The following MGMT variants were observed in gnomAD, a reference collection of about 807,000 sequenced individuals.
The protein encoded by MGMT is O-6-methylguanine-DNA methyltransferase, also known as methylated-DNA--protein-cysteine methyltransferase.
MGMT carries 14 observed loss-of-function variants against 15.9 expected under a neutral mutation model. That is an observed-to-expected ratio of 0.88 (90% CI 0.58 to 1.37). MGMT has a LOEUF of 1.37. Among genes scored for constraint, MGMT ranks in the 40% most tolerant of loss-of-function variants. The probability of loss-of-function intolerance (pLI) is 0.00; values close to 1 mark genes in which losing one functional copy is unlikely to be tolerated. For synonymous variants in MGMT, 130 were observed against 118.2 expected, an observed-to-expected ratio of 1.10 and a Z score of -0.65; for missense variants, 282 against 268.1, an observed-to-expected ratio of 1.05 and a Z score of -0.36.
intron 1 of MGMT, among the ~76,000 whole-genome samples, chr10:129,530,117 G>A (rs1262175621): frequency 6.6e-6 from 1 of 152,104 alleles, no homozygotes. Flanking sequence ...TGCCCAGACT[G>A]GTCTTGAACT....
intron 2 of MGMT, among the ~76,000 whole-genome samples, chr10:129,563,329 C>T (rs572265887): frequency 6.6e-6 from 1 of 152,082 alleles, no homozygotes; most frequent in Non-Finnish European, 1.5e-5. Context: ...TAGGATGACC[C>T]TGCCGGTCTG....
intron 1 of MGMT, among the ~76,000 whole-genome samples, chr10:129,492,982 G>A (rs1041227331): frequency 1.1e-4 from 16 of 152,090 alleles, no homozygotes; most frequent in African/African-American, 2.9e-4. Flanking sequence ...TGCTTATTTC[G>A]TATTCTACAC....
chr10:129,718,346 G>GA (rs1263889308), intron 3 of MGMT, among the ~76,000 whole-genome samples: 1 of 152,164 alleles, frequency 6.6e-6, no homozygotes, highest in Non-Finnish European at 1.5e-5. Context: ...AGCTCCGTCT[G>GA]ATCGTATAGT....
intron 2 of MGMT, among the ~76,000 whole-genome samples, chr10:129,633,997 T>A (rs2133084729): frequency 6.6e-6 from 1 of 152,374 alleles, no homozygotes. Context: ...TTCTTCTTCC[T>A]GACAGTTTCC....
chr10:129,553,498 G>A (rs750698518), intron 2 of MGMT, among the ~76,000 whole-genome samples: 5 of 152,114 alleles, frequency 3.3e-5, no homozygotes, highest in South Asian at 2.1e-4. Flanking sequence ...TGGGCCCGGG[G>A]GACACGTGGT....
At chr10:129,756,674 T>C (rs966228209) in intron 3 of MGMT, among the ~76,000 whole-genome samples, 2 of 152,162 alleles carry the variant, frequency 1.3e-5, no homozygotes, top group Non-Finnish European at 2.9e-5. Flanking sequence ...TTCACCATAT[T>C]GGCTAGGATG....
At chr10:129,530,791 C>T (rs1021652757) in intron 1 of MGMT, among the ~76,000 whole-genome samples, 6 of 152,266 alleles carry the variant, frequency 3.9e-5, no homozygotes, top group African/African-American at 1.2e-4. Context: ...CCAGGCACAC[C>T]AGGCCTCATC....
chr10:129,469,175 C>G (rs1370465766), intron 1 of MGMT, among the ~76,000 whole-genome samples: 1 of 152,144 alleles, frequency 6.6e-6, no homozygotes, highest in East Asian at 1.9e-4. Flanking sequence ...AAAGAACTTG[C>G]CTTCCCCATT....
At chr10:129,586,502 T>C (rs953237438) in intron 2 of MGMT, among the ~76,000 whole-genome samples, 1 of 152,244 alleles carries the variant, frequency 6.6e-6, no homozygotes, top group Non-Finnish European at 1.5e-5. Context: ...GTATAGTCTC[T>C]TCGTGTCTGA....
rs117167189 is a variant in MGMT, at chr10:129,759,394, C to T, written c.414+53C>T. 7.4e-6 allele frequency: 12 copies of T among 1,611,320 alleles called. No homozygotes were observed. The East Asian group carries it at 1.8e-4, about 24-fold the overall frequency. On this transcript the variant is annotated intron_variant, in intron 4 of 4. Transcript: ENST00000651593. ...GTGGGTGGCGGGTGCGTGCAGGTGG[C>T]AGGGTGTCATCTGATCCCACGTGTT...
At chr10:129,664,504 T>G (rs1280229231) in intron 2 of MGMT, among the ~76,000 whole-genome samples, 1 of 152,372 alleles carries the variant, frequency 6.6e-6, no homozygotes, top group Non-Finnish European at 1.5e-5. Context: ...CATGCACATA[T>G]GTACACACTT....
intron 1 of MGMT, among the ~76,000 whole-genome samples, chr10:129,506,995 G>A (rs575685908): frequency 4.6e-5 from 7 of 152,298 alleles, no homozygotes; most frequent in South Asian, 4.2e-4. Context: ...GGGGCCATGT[G>A]TCCATCACCA....
chr10:129,739,674 G>C (rs911244993), intron 3 of MGMT, among the ~76,000 whole-genome samples: 1 of 152,138 alleles, frequency 6.6e-6, no homozygotes, highest in Non-Finnish European at 1.5e-5. Flanking sequence ...CCTATACCAA[G>C]CTTGTCCAAT....
rs1848055517 is a variant in MGMT, at chr10:129,698,297, T to TTGAA, written c.126-9597_126-9594dup. Among the ~76,000 whole-genome samples the TTGAA allele has an allele frequency of 5.9e-5, 9 of 152,306 alleles. No individual in the cohort carries two copies. In the South Asian group the frequency reaches 1.9e-3, roughly 32 times the overall value. On this transcript the variant is annotated intron_variant, in intron 2 of 4. Transcript: ENST00000651593. Reference sequence around the variant, plus strand: ...ACCAGCGGTTGACCAGATGCCCCATTTGAAGCCCATGTCCAGGCATGCAGT... The same window carrying TTGAA: ...ACCAGCGGTTGACCAGATGCCCCATTTGAATGAAGCCCATGTCCAGGCATGCAGT...
Position 129,556,642 on chromosome 10 carries a change from A to G in MGMT, c.125+20265A>G, listed in dbSNP as rs1411537984. Among the ~76,000 whole-genome samples, 3 of 152,178 alleles carry G rather than the reference A, an allele frequency of 2.0e-5. No individual in the cohort carries two copies. Among genetic ancestry groups the G allele is most frequent in the African/African-American group, 7.2e-5 (3 of 41,448 alleles). ...TGTAGAAGAGGCGCCGCCATCCCAG[A>G]CAGTGTTCATAAACACCGACGGCAA... On this transcript the variant is annotated intron_variant, in intron 2 of 4. Coordinates refer to ENST00000651593, the MANE Select transcript of MGMT (RefSeq NM_002412.5). The surrounding 1 kb of genome is among the most constrained non-coding windows in gnomAD (Gnocchi z 4.3).
chr10:129,502,361 C>T (rs979249271), intron 1 of MGMT, among the ~76,000 whole-genome samples: 10 of 152,138 alleles, frequency 6.6e-5, no homozygotes, highest in Admixed American at 1.3e-4. Flanking sequence ...GCACCTGGCC[C>T]GGTGCCAGGC....
intron 1 of MGMT, among the ~76,000 whole-genome samples, chr10:129,502,224 C>A (rs1302230978): frequency 6.6e-6 from 1 of 152,192 alleles, no homozygotes; most frequent in African/African-American, 2.4e-5. Context: ...ACCTGGAATA[C>A]CCACCTGTCC....
At chr10:129,531,097 C>A (rs1377196845) in intron 1 of MGMT, among the ~76,000 whole-genome samples, 1 of 152,208 alleles carries the variant, frequency 6.6e-6, no homozygotes, top group African/African-American at 2.4e-5. Flanking sequence ...CAGTCCCCTT[C>A]CCAGCGTCCC....
chr10:129,529,026 CTG>C (rs1845901369), intron 1 of MGMT, among the ~76,000 whole-genome samples: 1 of 152,030 alleles, frequency 6.6e-6, no homozygotes, highest in Non-Finnish European at 1.5e-5. Flanking sequence ...GAGGTGGTGA[CTG>C]TTTTCGGCGG....
Sources: allele counts gnomAD v4.1 joint callset (sites outside exome capture counted in the v4.1 genomes callset), GRCh38; gene constraint gnomAD v4.1.1; non-coding constraint Gnocchi (gnomAD v3.1); transcripts MANE v1.5; gene names NCBI Gene and HGNC (gene_info 2026-07-23, HGNC 2026-07-21).